WDFY2: variants seen among roughly 807,000 people sequenced by gnomAD.
The protein encoded by WDFY2 is WD repeat and FYVE domain containing 2, also known as WD repeat and FYVE domain-containing protein 2.
Under a neutral mutation model 56.4 loss-of-function variants are expected in WDFY2, and 36 were observed. The ratio of observed to expected loss-of-function variants is 0.64; its 90% CI spans 0.49 to 0.84. The LOEUF (loss-of-function observed/expected upper bound fraction) is 0.84. WDFY2 is among the 40% of genes least tolerant of loss of function. The pLI, the probability that WDFY2 is intolerant of heterozygous loss-of-function variation, is 0.00. For synonymous variants in WDFY2, 176 were observed against 183.7 expected (o/e 0.96, Z 0.34); for missense variants, 444 against 512.2 (o/e 0.87, Z 1.29).
chr13:51,697,230 C>T (rs1477005775), intron 3 of WDFY2, among the ~76,000 whole-genome samples: 1 of 151,934 alleles, frequency 6.6e-6, no homozygotes, highest in East Asian at 1.9e-4. Flanking sequence ...TCCTTTATGT[C>T]AATAGTTTTG....
chr13:51,625,572 C>T (rs530962148), intron 1 of WDFY2, among the ~76,000 whole-genome samples: 2 of 152,340 alleles, frequency 1.3e-5, no homozygotes, highest in South Asian at 2.1e-4. Context: ...CACTAAAATT[C>T]GGTACCCATT....
intron 2 of WDFY2, among the ~76,000 whole-genome samples, chr13:51,670,757 G>T (rs548377122): frequency 3.9e-5 from 6 of 152,024 alleles, no homozygotes; most frequent in South Asian, 4.2e-4. Flanking sequence ...GGTTTTTGGG[G>T]AACAGGTGGT....
At chr13:51,636,271 G>A (rs75865055) in intron 1 of WDFY2, among the ~76,000 whole-genome samples, 468 of 152,288 alleles carry the variant, frequency 3.1e-3, no homozygotes, top group African/African-American at 0.011. Context: ...ACTCTGATTT[G>A]TAAACACGCT....
chr13:51,695,559 G>C (rs9741046), intron 3 of WDFY2, among the ~76,000 whole-genome samples: 167 of 152,296 alleles, frequency 1.1e-3, no homozygotes, highest in African/African-American at 3.8e-3. Context: ...TCTCAGAGGA[G>C]TACCCAGCTG....
chr13:51,715,035 T>C (rs942927979), intron 4 of WDFY2, among the ~76,000 whole-genome samples: 5 of 152,312 alleles, frequency 3.3e-5, no homozygotes, highest in Admixed American at 3.3e-4. Context: ...AAAAATGTTA[T>C]GGTATGCCTG....
Position 51,763,442 on chromosome 13 carries a change from G to A in WDFY2, c.*3673G>A, listed in dbSNP as rs1399505362. The A allele has an allele frequency of 1.3e-5, 2 of 152,200 alleles. No individual in the cohort carries two copies. Among genetic ancestry groups the A allele is most frequent in the African/African-American group, 2.4e-5 (1 of 41,426 alleles). 9.4% of individuals were successfully genotyped at this position (152,200 alleles called of 1,614,324 possible). On this transcript the variant is annotated 3_prime_UTR_variant, in exon 12 of 12. Coordinates refer to ENST00000298125, the MANE Select transcript of WDFY2 (RefSeq NM_052950.4). ...AATTCACCCTGCCCCGTTTGGCTGC[G>A]ATTCCCAGGCTTACAGCACTGCCCT...
chr13:51,654,195 C>T (rs1955462154), intron 1 of WDFY2, among the ~76,000 whole-genome samples: 1 of 152,228 alleles, frequency 6.6e-6, no homozygotes, highest in African/African-American at 2.4e-5. Context: ...GCGTAGGACC[C>T]TCCGAGCCAG....
chr13:51,610,144 C>T (rs1275928785), intron 1 of WDFY2, among the ~76,000 whole-genome samples: 1 of 151,800 alleles, frequency 6.6e-6, no homozygotes, highest in Non-Finnish European at 1.5e-5. Context: ...TGGAGAGTCT[C>T]ATCCCTCATC....
At chr13:51,720,456 A>T (rs918040669) in intron 5 of WDFY2, among the ~76,000 whole-genome samples, 20 of 152,202 alleles carry the variant, frequency 1.3e-4, no homozygotes, top group African/African-American at 4.8e-4. Context: ...ACTTGTTAAT[A>T]AAAGAAACTC....
intron 1 of WDFY2, chr13:51,586,145 T>G: frequency 2.5e-6 from 1 of 398,450 alleles, no homozygotes; most frequent in East Asian, 3.6e-5. Context: ...CAGAGAAGCC[T>G]TATGAGAAAG....
At chr13:51,629,826 C>CTTTTTTTTTTTTTTTTTTTT (rs11432630) in intron 1 of WDFY2, among the ~76,000 whole-genome samples, 22 of 125,124 alleles carry the variant, frequency 1.8e-4, no homozygotes, top group African/African-American at 3.3e-4. Flanking sequence ...TCTTTCTTTT[C>CTTTTTTTTTTTTTTTTTTTT]TTTTTTTTTT....
At chr13:51,729,843 A>T (rs1172272610) in intron 6 of WDFY2, among the ~76,000 whole-genome samples, 1 of 152,246 alleles carries the variant, frequency 6.6e-6, no homozygotes, top group Admixed American at 6.5e-5. Context: ...CATAAAGTTT[A>T]CCATTTTAAC....
intron 5 of WDFY2, among the ~76,000 whole-genome samples, chr13:51,723,619 C>T (rs550090252): frequency 6.6e-6 from 1 of 152,304 alleles, no homozygotes; most frequent in South Asian, 2.1e-4. Flanking sequence ...ATCTTGATTT[C>T]ATTCAGATTC....
chr13:51,611,864 T>C (rs1954510145), intron 1 of WDFY2, among the ~76,000 whole-genome samples: 1 of 152,208 alleles, frequency 6.6e-6, no homozygotes, highest in African/African-American at 2.4e-5. Flanking sequence ...TGATCCCTGT[T>C]TTTCTGCTGC....
rs1954810145 is a variant in WDFY2 at position 51,624,822 on chromosome 13, G to A, written c.138-35774G>A. ...GGGCTATTTGGACATGACTCTTCTTGGCTGAGGGAACAGCCAGTGCAAAGG... is the reference window on the plus strand; with the variant it reads ...GGGCTATTTGGACATGACTCTTCTTAGCTGAGGGAACAGCCAGTGCAAAGG... On this transcript the variant is annotated intron_variant, in intron 1 of 11. Coordinates refer to ENST00000298125, the MANE Select transcript of WDFY2 (RefSeq NM_052950.4). Among the ~76,000 whole-genome samples, 5 of 152,332 alleles carry A rather than the reference G, an allele frequency of 3.3e-5. No individual in the cohort carries two copies. The South Asian group carries it at 1.0e-3, about 32-fold the overall frequency.
chr13:51,719,092 G>A, intron 4 of WDFY2, 106 bp from the exon 5 acceptor site: 1 of 1,499,718 alleles, frequency 6.7e-7, no homozygotes, highest in South Asian at 1.2e-5. Context: ...CTGCTGTTCA[G>A]CTTATTCTGG....
At chr13:51,747,345 A>C (rs1393948708) in intron 7 of WDFY2, among the ~76,000 whole-genome samples, 1 of 152,228 alleles carries the variant, frequency 6.6e-6, no homozygotes, top group Non-Finnish European at 1.5e-5. Context: ...ATAGACAATA[A>C]CGACATCAGG....
chr13:51,585,369 G>C (rs1300812735), intron 1 of WDFY2, among the ~76,000 whole-genome samples: 1 of 152,186 alleles, frequency 6.6e-6, no homozygotes, highest in Non-Finnish European at 1.5e-5. Context: ...AGTAAGTTTA[G>C]GCTTCTGCGT....
intron 1 of WDFY2, among the ~76,000 whole-genome samples, chr13:51,592,838 T>C (rs1954076703): frequency 6.6e-6 from 1 of 152,080 alleles, no homozygotes; most frequent in African/African-American, 2.4e-5. Context: ...AAAGATAATA[T>C]AGGCCAGGCG....
Sources: allele counts gnomAD v4.1 joint callset (sites outside exome capture counted in the v4.1 genomes callset), GRCh38; gene constraint gnomAD v4.1.1; transcripts MANE v1.5; gene names NCBI Gene and HGNC (gene_info 2026-07-23, HGNC 2026-07-21).